Variants in MTSS2 observed in about 807,000 individuals in gnomAD.
MTSS2 encodes the protein MTSS I-BAR domain containing 2.
Under a neutral mutation model 67.1 loss-of-function variants are expected in MTSS2, and 27 were observed. The ratio of observed to expected loss-of-function variants is 0.40; its 90% CI spans 0.30 to 0.55. The LOEUF (loss-of-function observed/expected upper bound fraction) is 0.55, where lower values mean the gene tolerates loss of function less well. MTSS2 is among the 20% of genes least tolerant of loss of function. The pLI is 0.43. For missense variants in MTSS2, 1,171 were observed against 1,067.8 expected (o/e 1.10, Z -1.35); for synonymous variants, 624 against 468.6 (o/e 1.33, Z -4.28).
chr16:70,674,234 C>T lies in MTSS2; in HGVS notation c.1053+72G>A, dbSNP rs569150314. 7.9e-4 allele frequency: 1,104 copies of T among 1,396,708 alleles called. 11 individuals are homozygous for T. The South Asian group carries it at 8.4e-3, about 11-fold the overall frequency. 86.5% of individuals were successfully genotyped at this position (1,396,708 alleles called of 1,614,324 possible). ...AGTCTCAACAGCTATAGTAGTCCCG[C>T]ATGTGGCTTGCCTGATGCTGGCATA... is the stretch of plus-strand genomic sequence containing the variant. On this transcript the variant is annotated intron_variant, in intron 11 of 14. Transcript: ENST00000338779.
chr16:70,679,932 G>GACCCCCC, intron 4 of MTSS2, 39 bp downstream of exon 4: 3 of 709,002 alleles, frequency 4.2e-6, no homozygotes, highest in Non-Finnish European at 6.7e-6. Flanking sequence ...GCGACGCCCC[G>GACCCCCC]TCCCCCCGCC....
intron 11 of MTSS2, among the ~76,000 whole-genome samples, chr16:70,672,329 A>G (rs1172308710): frequency 1.4e-5 from 2 of 145,508 alleles, no homozygotes; most frequent in Middle Eastern, 3.2e-3. Context: ...CCTGGGTGAT[A>G]AGAGCAAAAT....
chr16:70,667,278 C>CAAAAAAAAA (rs34779308), intron 11 of MTSS2, among the ~76,000 whole-genome samples: 3 of 69,780 alleles, frequency 4.3e-5, no homozygotes, highest in Non-Finnish European at 7.7e-5. Flanking sequence ...GACTCTGTCT[C>CAAAAAAAAA]AAAAAAAAAA....
chr16:70,670,874 G>A (rs1379957542), intron 11 of MTSS2, among the ~76,000 whole-genome samples: 4 of 150,676 alleles, frequency 2.7e-5, no homozygotes. Context: ...GGAGGCTGAG[G>A]CAGGAAGATT....
intron 3 of MTSS2, 70 bp downstream of exon 3, chr16:70,680,724 C>G: frequency 7.2e-7 from 1 of 1,380,076 alleles, no homozygotes. Flanking sequence ...TGGCCCATCC[C>G]CTACTCTTCC....
chr16:70,679,612 G>C lies in MTSS2; in HGVS notation c.457+18C>G, dbSNP rs559344079. 126 of 1,584,732 alleles carry C rather than the reference G, an allele frequency of 8.0e-5. 1 individual carries two copies. In the South Asian group the frequency reaches 1.3e-3, roughly 16 times the overall value. Reference sequence around the variant, plus strand: ...CGGGGCCGTGGGGCTGTGGCTGGGGGGCCGCGCCAGGCACTACCTTTGCGC... The same window carrying C: ...CGGGGCCGTGGGGCTGTGGCTGGGGCGCCGCGCCAGGCACTACCTTTGCGC... On this transcript the variant is annotated intron_variant, in intron 6 of 14. Transcript: ENST00000338779.
rs1200759227 is a variant in MTSS2, at chr16:70,661,519, A to G, written c.*2158T>C. ...GCTTTTGAAAAGAATATTTCTCCGT[A>G]CAAAATGAGAAATTAAACGAACGTA... is the stretch of plus-strand genomic sequence containing the variant. On this transcript the variant is annotated 3_prime_UTR_variant, in exon 15 of 15. Transcript: ENST00000338779. The G allele has an allele frequency of 1.1e-5, 4 of 348,462 alleles. No individual in the cohort carries two copies. The highest frequency in any genetic ancestry group is 4.3e-5 in the South Asian group (2 of 46,336). The allele number at this position is 348,462 out of a possible 1,614,324, so 21.6% of individuals were successfully genotyped here.
chr16:70,678,032 G>A (rs982664205), intron 8 of MTSS2, 133 bp from the exon 9 acceptor site: 56 of 960,626 alleles, frequency 5.8e-5, no homozygotes, highest in Non-Finnish European at 8.1e-5. Context: ...GCTGCTCGGG[G>A]CTGGTGCAGG....
At chr16:70,670,969 C>CA (rs1166088540) in intron 11 of MTSS2, among the ~76,000 whole-genome samples, 4,737 of 32,646 alleles carry the variant, frequency 0.15, 549 homozygotes, top group East Asian at 0.34. Context: ...GACCCTGTCT[C>CA]AAAAAAAAAA....
Position 70,665,234 on chromosome 16 carries a change from G to A in MTSS2, c.1129-138C>T, listed in dbSNP as rs78712810. 1.1e-3 allele frequency: 1,149 copies of A among 1,074,822 alleles called. 5 individuals carry two copies. The African/African-American group carries it at 0.017, about 16-fold the overall frequency. The allele number at this position is 1,074,822 out of a possible 1,614,324, so 66.6% of individuals were successfully genotyped here. ...GTTCGCAATCACAGCCAAGGGCAGA[G>A]CATGGAGTGTGACTGTGGCCCCTCA... On this transcript the variant is annotated intron_variant, in intron 12 of 14. Coordinates refer to ENST00000338779, the MANE Select transcript of MTSS2 (RefSeq NM_138383.3).
chr16:70,678,125 G>C, intron 8 of MTSS2, 127 bp downstream of exon 8: 1 of 1,257,266 alleles, frequency 8.0e-7, no homozygotes, highest in Non-Finnish European at 1.1e-6. Flanking sequence ...ACCTGCCTTT[G>C]GGCCAGGAGC....
chr16:70,665,361 C>T (rs1240007210), intron 12 of MTSS2, 105 bp downstream of exon 12: 2 of 1,258,474 alleles, frequency 1.6e-6, no homozygotes, highest in South Asian at 2.9e-5. Context: ...TGCACGCACC[C>T]CTGGCTGAAC....
chr16:70,680,626 G>A (rs144876185), intron 3 of MTSS2, among the ~76,000 whole-genome samples, 168 bp downstream of exon 3: 147 of 152,222 alleles, frequency 9.7e-4, no homozygotes, highest in African/African-American at 3.2e-3. Flanking sequence ...CATGCCTCTT[G>A]TGACGAGGGG....
chr16:70,680,247 C>A (rs2053260656), intron 3 of MTSS2, among the ~76,000 whole-genome samples, 192 bp from the exon 4 acceptor site: 1 of 152,006 alleles, frequency 6.6e-6, no homozygotes, highest in South Asian at 2.1e-4. Flanking sequence ...CTCCGCCATC[C>A]CAGCCGCGCC....
intron 10 of MTSS2, among the ~76,000 whole-genome samples, chr16:70,675,410 G>A (rs533128712): frequency 1.8e-4 from 27 of 152,222 alleles, no homozygotes; most frequent in Admixed American, 1.4e-3. Flanking sequence ...GTGACAGAGC[G>A]AGACCCTGTC....
intron 2 of MTSS2, 46 bp downstream of exon 2, chr16:70,680,918 G>GGGGGGGGCCCCCC: frequency 9.1e-7 from 1 of 1,097,932 alleles, no homozygotes; most frequent in Non-Finnish European, 1.3e-6. Flanking sequence ...CGGGGGGGGG[G>GGGGGGGGCCCCCC]CCTCTGCCTG....
chr16:70,673,488 T>A (rs1225839151), intron 11 of MTSS2, among the ~76,000 whole-genome samples: 1 of 151,886 alleles, frequency 6.6e-6, no homozygotes, highest in Non-Finnish European at 1.5e-5. Flanking sequence ...GAGGACAAAA[T>A]AAAACATGTT....
chr16:70,671,508 T>C (rs2142788734), intron 11 of MTSS2, among the ~76,000 whole-genome samples: 1 of 152,058 alleles, frequency 6.6e-6, no homozygotes, highest in Non-Finnish European at 1.5e-5. Context: ...AAATTGAATA[T>C]ATAAATAAAT....
chr16:70,663,686 G>A lies in MTSS2; in HGVS notation c.2235C>T (p.Arg745=), dbSNP rs1223726367. Residue 745 remains arginine, a synonymous_variant, in exon 15 of 15, where the codon CGC becomes CGT. Coordinates refer to ENST00000338779, the MANE Select transcript of MTSS2 (RefSeq NM_138383.3). ...GGGGAGGGTGGCGCCATCATAAGAT[G>A]CGGGGCGCCGACCTGTCGTTGGTGA... The part of the protein sequence containing the change: ...RTVTNDRSAP[R]IL 7 of 1,583,532 alleles carry A rather than the reference G, an allele frequency of 4.4e-6. No individual in the cohort carries two copies. The highest frequency in any genetic ancestry group is 6.0e-6 in the Non-Finnish European group (7 of 1,165,946).
Sources: allele counts gnomAD v4.1 joint callset (sites outside exome capture counted in the v4.1 genomes callset), GRCh38; gene constraint gnomAD v4.1.1; transcripts MANE v1.5; gene names NCBI Gene and HGNC (gene_info 2026-07-23, HGNC 2026-07-21).